Variants in GLYAT observed in about 807,000 individuals in gnomAD.
GLYAT encodes the protein glycine-N-acyltransferase, also known as glycine N-acyltransferase.
In GLYAT, 25 loss-of-function variants were observed where a neutral mutation model predicts 22.8. The observed-to-expected ratio is 1.09, with a 90% CI of 0.80 to 1.53. GLYAT has a LOEUF of 1.53. Ranked by LOEUF, GLYAT falls within the 40% of genes most tolerant of loss-of-function variation. The pLI is 0.00. For missense variants in GLYAT, 411 were observed against 353.9 expected (o/e 1.16, Z -1.29); for synonymous variants, 140 against 122.7 (o/e 1.14, Z -0.93).
At chr11:58,718,805 G>C (rs1856714824) in intron 2 of GLYAT, among the ~76,000 whole-genome samples, 1 of 151,860 alleles carries the variant, frequency 6.6e-6, no homozygotes, top group African/African-American at 2.4e-5. Flanking sequence ...ATTAAAAAAA[G>C]GTTTAAGGCA....
At chr11:58,719,295 A>G (rs1235536176) in intron 2 of GLYAT, among the ~76,000 whole-genome samples, 1 of 151,994 alleles carries the variant, frequency 6.6e-6, no homozygotes, top group Admixed American at 6.6e-5. Context: ...AGCCCCAATA[A>G]AAACAGCATG....
chr11:58,712,617 C>T (rs1306111280), intron 4 of GLYAT, 143 bp downstream of exon 4: 1 of 708,976 alleles, frequency 1.4e-6, no homozygotes, highest in African/African-American at 1.8e-5. Flanking sequence ...TGTCCACCAC[C>T]TTTTACAGAT....
Position 58,710,756 on chromosome 11 carries a change from G to A in GLYAT, c.322C>T (p.Gln108Ter), listed in dbSNP as rs201398923. 93 of 1,581,004 alleles carry A rather than the reference G, an allele frequency of 5.9e-5. No homozygotes were observed. The highest frequency in any genetic ancestry group is 1.0e-4 in the South Asian group (9 of 90,410). The change falls in exon 5 of 6, where the codon CAG becomes TAG. Residue 108 changes from glutamine to a stop codon, truncating the protein, a stop_gained. Coordinates refer to ENST00000344743, the MANE Select transcript of GLYAT (RefSeq NM_201648.3). LOFTEE classifies it high-confidence loss of function. ...WKQHLQIQSSQPSLNEAIQNL... is the reference protein window; with the variant it reads ...WKQHLQIQSS Reference sequence around the variant, plus strand: ...TGTATAGCCTCATTCAGGCTAGGCTGTGAACCTAGACGGTATAATAAACAG... The same window carrying A: ...TGTATAGCCTCATTCAGGCTAGGCTATGAACCTAGACGGTATAATAAACAG...
At chr11:58,724,343 A>T in intron 2 of GLYAT, 73 bp downstream of exon 2, 1 of 730,646 alleles carries the variant, frequency 1.4e-6, no homozygotes, top group African/African-American at 1.8e-5. Context: ...TGCATCATAA[A>T]TATCAGTCCC....
intron 2 of GLYAT, among the ~76,000 whole-genome samples, chr11:58,717,346 C>A (rs1273025762): frequency 6.6e-6 from 1 of 150,980 alleles, no homozygotes; most frequent in Non-Finnish European, 1.5e-5. Context: ...GGAGAAAAAA[C>A]AACAACAAAC....
At chr11:58,730,536 T>G (rs1343028376) in intron 1 of GLYAT, among the ~76,000 whole-genome samples, 1 of 152,214 alleles carries the variant, frequency 6.6e-6, no homozygotes, top group Non-Finnish European at 1.5e-5. Context: ...AGGAAGATTA[T>G]GCCTACATAA....
intron 5 of GLYAT, 23 bp from the exon 6 acceptor site, chr11:58,710,191 A>T (rs1292007393): frequency 6.3e-7 from 1 of 1,589,454 alleles, no homozygotes; most frequent in Non-Finnish European, 8.6e-7. Context: ...CAAGAAGAAA[A>T]CAAAATCCAT....
At chr11:58,726,072 T>G (rs909095562) in intron 1 of GLYAT, among the ~76,000 whole-genome samples, 1 of 151,294 alleles carries the variant, frequency 6.6e-6, no homozygotes, top group Non-Finnish European at 1.5e-5. Flanking sequence ...TCAGGTTTGG[T>G]TTTTTTTTGT....
intron 2 of GLYAT, among the ~76,000 whole-genome samples, chr11:58,716,446 A>G (rs1223856745): frequency 6.6e-6 from 1 of 152,056 alleles, no homozygotes; most frequent in African/African-American, 2.4e-5. Context: ...AAAACTCTAA[A>G]TCGACTAAGT....
intron 1 of GLYAT, among the ~76,000 whole-genome samples, chr11:58,728,233 T>C (rs988305014): frequency 1.3e-5 from 2 of 151,898 alleles, no homozygotes; most frequent in African/African-American, 4.8e-5. Context: ...CAAGTAATTT[T>C]TGTATTTTTA....
chr11:58,724,544 A>G (rs1319161640), intron 1 of GLYAT, 33 bp from the exon 2 acceptor site: 2 of 1,209,718 alleles, frequency 1.7e-6, no homozygotes, highest in Non-Finnish European at 2.4e-6. Flanking sequence ...TACAGGATTG[A>G]GAAAAGCTAG....
At chr11:58,711,465 A>T (rs1856616011) in intron 4 of GLYAT, among the ~76,000 whole-genome samples, 1 of 152,182 alleles carries the variant, frequency 6.6e-6, no homozygotes, top group Admixed American at 6.5e-5. Flanking sequence ...ATTTCTTTAC[A>T]GCACTGGGGA....
At chr11:58,725,500 C>A (rs1367353751) in intron 1 of GLYAT, among the ~76,000 whole-genome samples, 3 of 152,124 alleles carry the variant, frequency 2.0e-5, no homozygotes, top group Admixed American at 6.6e-5. Flanking sequence ...GATTCCATAA[C>A]TAGGTAACCT....
intron 1 of GLYAT, among the ~76,000 whole-genome samples, chr11:58,730,986 A>G (rs1358783730): frequency 6.6e-6 from 1 of 152,180 alleles, no homozygotes. Context: ...AAAATATAGG[A>G]CACAAAACAG....
At chr11:58,718,025 C>T (rs1047861961) in intron 2 of GLYAT, among the ~76,000 whole-genome samples, 6 of 151,838 alleles carry the variant, frequency 4.0e-5, no homozygotes, top group African/African-American at 1.2e-4. Flanking sequence ...CTTTATTTAC[C>T]ACAGTCAGAA....
Position 58,709,487 on chromosome 11 carries a change from G to A in GLYAT, c.*279C>T, listed in dbSNP as rs897046223. 3.6e-6 allele frequency: 1 copy of A among 278,202 alleles called. No individual in the cohort carries two copies. The highest frequency in any genetic ancestry group is 6.7e-6 in the Non-Finnish European group (1 of 148,864). 17.2% of individuals were successfully genotyped at this position (278,202 alleles called of 1,614,324 possible). A position where few individuals can be genotyped will look rare whatever the true frequency, so the allele number is the denominator to read the frequency against. On this transcript the variant is annotated 3_prime_UTR_variant, in exon 6 of 6. Coordinates refer to ENST00000344743, the MANE Select transcript of GLYAT (RefSeq NM_201648.3). The stretch of plus-strand genomic sequence containing the variant: ...GGGATTCCAGGAGAAGTAATTTGGA[G>A]CAATATGTATCTGATGAAGTGTCAT...
intron 2 of GLYAT, 126 bp downstream of exon 2, chr11:58,724,290 C>T: frequency 1.8e-6 from 1 of 557,578 alleles, no homozygotes; most frequent in Non-Finnish European, 3.2e-6. Context: ...GTAAGGCATA[C>T]TAAATGAGAG....
intron 2 of GLYAT, among the ~76,000 whole-genome samples, chr11:58,720,606 C>T (rs1426245697): frequency 1.3e-5 from 2 of 151,954 alleles, no homozygotes; most frequent in African/African-American, 4.8e-5. Context: ...CCAAACAAAC[C>T]TCCTTATTGA....
rs527729463 is a variant in GLYAT, at chr11:58,710,946, C to T, written c.317-185G>A. Among the ~76,000 whole-genome samples, 15 of 152,276 alleles carry T rather than the reference C, an allele frequency of 9.9e-5. 1 individual carries two copies. In the Middle Eastern group the frequency reaches 0.017, roughly 173 times the overall value. Reference sequence around the variant, plus strand: ...AAGATTCCTCTTCAAAAAGACTTCCCTCCCCATCTAATTAAGAATCAATAG... The same window carrying T: ...AAGATTCCTCTTCAAAAAGACTTCCTTCCCCATCTAATTAAGAATCAATAG... On this transcript the variant is annotated intron_variant, in intron 4 of 5. Coordinates refer to ENST00000344743, the MANE Select transcript of GLYAT (RefSeq NM_201648.3).
Sources: allele counts gnomAD v4.1 joint callset (sites outside exome capture counted in the v4.1 genomes callset), GRCh38; gene constraint gnomAD v4.1.1; transcripts MANE v1.5; gene names NCBI Gene and HGNC (gene_info 2026-07-23, HGNC 2026-07-21).